ALK: variants seen among roughly 807,000 people sequenced by gnomAD.
ALK encodes the protein ALK tyrosine kinase receptor.
A neutral mutation model predicts 163.1 loss-of-function variants in ALK; 74 were observed. The observed-to-expected ratio is 0.45, with a 90% CI of 0.38 to 0.55. The LOEUF (loss-of-function observed/expected upper bound fraction) is 0.55. ALK is among the 20% of genes least tolerant of loss of function. ALK has a pLI of 0.00. For missense variants in ALK, 2,063 were observed against 2,105.3 expected (o/e 0.98, Z 0.39); for synonymous variants, 960 against 843.2 (o/e 1.14, Z -2.40).
intron 2 of ALK, among the ~76,000 whole-genome samples, chr2:29,700,026 G>A (rs1303217024): frequency 6.6e-6 from 1 of 152,198 alleles, no homozygotes; most frequent in Non-Finnish European, 1.5e-5. Flanking sequence ...AAGAAATGGA[G>A]CATGTACCCT....
intron 3 of ALK, among the ~76,000 whole-genome samples, chr2:29,664,553 G>A (rs1302136415): frequency 6.6e-6 from 1 of 152,044 alleles, no homozygotes; most frequent in African/African-American, 2.4e-5. Context: ...CTTGGCAAAA[G>A]AAGGGCTGGT....
rs918335995 is a variant in ALK at position 29,910,016 on chromosome 2, G to A, written c.667+9977C>T. Reference sequence around the variant, plus strand: ...AAAAAACAACTGCAAGGTATGCAAAGAAGCAGGAAAATGTGACCTATTTCC... The same window carrying A: ...AAAAAACAACTGCAAGGTATGCAAAAAAGCAGGAAAATGTGACCTATTTCC... On this transcript the variant is annotated intron_variant, in intron 1 of 28. Transcript: ENST00000389048. Among the ~76,000 whole-genome samples, 30 of 142,138 alleles carry A rather than the reference G, an allele frequency of 2.1e-4. No individual in the cohort carries two copies. The South Asian group carries it at 4.8e-3, about 23-fold the overall frequency. The allele number at this position is 142,138 out of a possible 152,430, so 93.2% of individuals were successfully genotyped here.
In ALK at chr2:29,427,037, C is replaced by CAAAAA. The variant is rs70958261; in HGVS notation, c.1155-43183_1155-43179dup. Among the ~76,000 whole-genome samples, 80 of 40,126 alleles carry CAAAAA rather than the reference C, an allele frequency of 2.0e-3. 15 individuals are homozygous for CAAAAA. The highest frequency in any genetic ancestry group is 0.013 in the East Asian group (12 of 896). The allele number at this position is 40,126 out of a possible 152,430, so 26.3% of individuals were successfully genotyped here. ...CTGGCAAAAGAGCAAGACTCCGTCT[C>CAAAAA]AAAAAAAAAAAAAAAAAAAAAAAAA... On this transcript the variant is annotated intron_variant, in intron 4 of 28. Coordinates refer to ENST00000389048, the MANE Select transcript of ALK (RefSeq NM_004304.5).
intron 4 of ALK, among the ~76,000 whole-genome samples, chr2:29,401,998 C>A (rs1171864098): frequency 1.3e-5 from 2 of 152,164 alleles, no homozygotes; most frequent in Non-Finnish European, 2.9e-5. Context: ...GGAGCCGGGG[C>A]AGCTCTGAGG....
chr2:29,685,529 C>G (rs1678210526), intron 3 of ALK, among the ~76,000 whole-genome samples: 1 of 152,156 alleles, frequency 6.6e-6, no homozygotes, highest in Admixed American at 6.5e-5. Flanking sequence ...GCATTTCCAG[C>G]CAGAATTCAT....
chr2:29,743,585 C>G (rs1158269313), intron 1 of ALK, among the ~76,000 whole-genome samples: 1 of 152,186 alleles, frequency 6.6e-6, no homozygotes, highest in Non-Finnish European at 1.5e-5. Flanking sequence ...TGACGTGGAG[C>G]CTGTACTTTT....
At chr2:29,800,803 G>A (rs1227548475) in intron 1 of ALK, among the ~76,000 whole-genome samples, 4 of 152,180 alleles carry the variant, frequency 2.6e-5, no homozygotes, top group Non-Finnish European at 5.9e-5. Context: ...TATTCCCAAC[G>A]CATGGGGCTT....
chr2:29,555,157 T>C (rs1035277222), intron 3 of ALK, among the ~76,000 whole-genome samples: 5 of 152,154 alleles, frequency 3.3e-5, no homozygotes, highest in African/African-American at 1.2e-4. Context: ...TGAATTCTTC[T>C]TGTATGAGAT....
At chr2:29,876,880 C>T (rs553173253) in intron 1 of ALK, among the ~76,000 whole-genome samples, 1 of 152,196 alleles carries the variant, frequency 6.6e-6, no homozygotes, top group East Asian at 1.9e-4. Flanking sequence ...GTTTGTAGAT[C>T]CCACCTTTGC....
chr2:29,682,535 C>A (rs1042413674), intron 3 of ALK, among the ~76,000 whole-genome samples: 4 of 152,098 alleles, frequency 2.6e-5, no homozygotes, highest in Non-Finnish European at 5.9e-5. Flanking sequence ...GAATGAATTC[C>A]TTTTGGGTAT....
rs993595138 is a variant in ALK at position 29,695,140 on chromosome 2, C to T, written c.788-126G>A. On this transcript the variant is annotated intron_variant, in intron 2 of 28. Transcript: ENST00000389048. Reference sequence around the variant, plus strand: ...ATCCTTTGCCCTGTCCAAGGGAGATCAGTTGTCAATACCACAGGGCTCTGT... The same window carrying T: ...ATCCTTTGCCCTGTCCAAGGGAGATTAGTTGTCAATACCACAGGGCTCTGT... 14 of 1,051,934 alleles carry T rather than the reference C, an allele frequency of 1.3e-5. No individual in the cohort carries two copies. In the East Asian group the frequency reaches 3.3e-4, roughly 25 times the overall value. The allele number at this position is 1,051,934 out of a possible 1,614,324, so 65.2% of individuals were successfully genotyped here. A position where few individuals can be genotyped will look rare whatever the true frequency, so the allele number is the denominator to read the frequency against.
intron 13 of ALK, among the ~76,000 whole-genome samples, chr2:29,237,217 T>C (rs1270540017): frequency 6.6e-6 from 1 of 152,246 alleles, no homozygotes; most frequent in Admixed American, 6.5e-5. Flanking sequence ...CATCATCATC[T>C]CTTGCCAGGA....
At chr2:29,494,773 A>T (rs1277850975) in intron 4 of ALK, among the ~76,000 whole-genome samples, 2 of 151,908 alleles carry the variant, frequency 1.3e-5, no homozygotes, top group African/African-American at 4.8e-5. Context: ...TCAAGGTTGG[A>T]GTCCCAGGAC....
chr2:29,409,730 CTT>C (rs1669683249), intron 4 of ALK, among the ~76,000 whole-genome samples: 1 of 152,202 alleles, frequency 6.6e-6, no homozygotes, highest in Admixed American at 6.5e-5. Flanking sequence ...TTTTGCCTTT[CTT>C]TACTAAGACT....
intron 2 of ALK, among the ~76,000 whole-genome samples, chr2:29,703,068 C>A (rs369306681): frequency 6.6e-6 from 1 of 152,188 alleles, no homozygotes; most frequent in Non-Finnish European, 1.5e-5. Context: ...TCAGAAGGGG[C>A]CTATAAGAAT....
At chr2:29,381,091 A>G (rs1259480200) in intron 5 of ALK, among the ~76,000 whole-genome samples, 1 of 152,238 alleles carries the variant, frequency 6.6e-6, no homozygotes, top group East Asian at 1.9e-4. Flanking sequence ...GGACAGAAAC[A>G]CTGGCTTTGT....
chr2:29,217,811 G>A (rs2148163676), intron 23 of ALK, among the ~76,000 whole-genome samples: 1 of 152,274 alleles, frequency 6.6e-6, no homozygotes, highest in African/African-American at 2.4e-5. Flanking sequence ...CGAATCAGGT[G>A]GAATTCAGGC....
At chr2:29,272,002 T>G (rs888963314) in intron 11 of ALK, among the ~76,000 whole-genome samples, 1 of 152,128 alleles carries the variant, frequency 6.6e-6, no homozygotes, top group Non-Finnish European at 1.5e-5. Flanking sequence ...GTAGGGAGGT[T>G]GAGGAAGGGT....
chr2:29,256,159 A>C (rs1387437124), intron 11 of ALK, among the ~76,000 whole-genome samples: 1 of 152,192 alleles, frequency 6.6e-6, no homozygotes, highest in Non-Finnish European at 1.5e-5. Flanking sequence ...AGAGTTAGCA[A>C]GAGTGGTTCC....
Sources: gnomAD v4.1 joint callset for allele counts (sites outside exome capture counted in the v4.1 genomes callset) on GRCh38, gnomAD v4.1.1 for gene constraint, MANE v1.5 for transcripts, NCBI Gene and HGNC (gene_info 2026-07-23, HGNC 2026-07-21) for gene names.